PPP1R12B: variants seen among roughly 807,000 people sequenced by gnomAD.
PPP1R12B encodes myosin phosphatase target subunit 2.
PPP1R12B carries 76 observed loss-of-function variants against 126.1 expected under a neutral mutation model. That is an observed-to-expected ratio of 0.60 (90% confidence interval 0.50 to 0.73). The LOEUF (loss-of-function observed/expected upper bound fraction) is 0.73, where lower values mean the gene tolerates loss of function less well. Ranked by LOEUF, PPP1R12B falls within the 30% of genes least tolerant of loss-of-function variation. The probability of loss-of-function intolerance (pLI) is 0.00; values close to 1 mark genes in which losing one functional copy is unlikely to be tolerated. For missense variants in PPP1R12B, 1,052 were observed against 1,205.1 expected (o/e 0.87, Z 1.88); for synonymous variants, 356 against 434.7 (o/e 0.82, Z 2.25).
At chr1:202,488,880 T>G (rs560801182) in intron 14 of PPP1R12B, among the ~76,000 whole-genome samples, 1 of 152,212 alleles carries the variant, frequency 6.6e-6, no homozygotes, top group African/African-American at 2.4e-5. Context: ...CTGTCTCTAC[T>G]AAAAATATGA....
intron 4 of PPP1R12B, 37 bp from the exon 5 acceptor site, chr1:202,427,003 C>G (rs376077678): frequency 2.5e-6 from 4 of 1,598,318 alleles, no homozygotes; most frequent in Admixed American, 1.8e-5. Flanking sequence ...TTGTAATATA[C>G]AGAAGATATA....
chr1:202,385,080 G>T (rs1400662222), intron 1 of PPP1R12B, among the ~76,000 whole-genome samples: 1 of 152,174 alleles, frequency 6.6e-6, no homozygotes. Context: ...ATTTCCTGGT[G>T]ATGAGCTGCA....
At chr1:202,371,699 C>T (rs1319995462) in intron 1 of PPP1R12B, among the ~76,000 whole-genome samples, 1 of 151,898 alleles carries the variant, frequency 6.6e-6, no homozygotes, top group Non-Finnish European at 1.5e-5. Flanking sequence ...TTAAGATTTA[C>T]AAAAAAGTTG....
intron 1 of PPP1R12B, among the ~76,000 whole-genome samples, chr1:202,402,413 A>T (rs185550413): frequency 1.3e-5 from 2 of 152,132 alleles, no homozygotes; most frequent in Non-Finnish European, 2.9e-5. Flanking sequence ...TTCTTCTAGG[A>T]CATAGCAGTC....
At chr1:202,552,152 A>T (rs1686394799) in intron 18 of PPP1R12B, among the ~76,000 whole-genome samples, 1 of 152,202 alleles carries the variant, frequency 6.6e-6, no homozygotes, top group South Asian at 2.1e-4. Flanking sequence ...TTTTTGATAT[A>T]AAAAACAGCA....
intron 23 of PPP1R12B, among the ~76,000 whole-genome samples, chr1:202,569,606 C>T (rs898826905): frequency 9.2e-5 from 14 of 152,194 alleles, no homozygotes; most frequent in African/African-American, 3.4e-4. Flanking sequence ...AAGCTTTCTT[C>T]CCTGGTGCCC....
At chr1:202,575,025 T>G (rs1236077835) in intron 23 of PPP1R12B, 1 of 1,613,088 alleles carries the variant, frequency 6.2e-7, no homozygotes, top group Admixed American at 1.7e-5. Flanking sequence ...TAAAACAGAT[T>G]CAAACCTTGA....
chr1:202,367,164 A>T (rs1659383262), intron 1 of PPP1R12B, among the ~76,000 whole-genome samples: 1 of 152,232 alleles, frequency 6.6e-6, no homozygotes, highest in Admixed American at 6.5e-5. Flanking sequence ...ACAATAAATG[A>T]TTGGGAAGAT....
chr1:202,408,787 A>C (rs769172170), intron 1 of PPP1R12B, among the ~76,000 whole-genome samples: 9 of 151,072 alleles, frequency 6.0e-5, no homozygotes, highest in Non-Finnish European at 1.3e-4. Context: ...TGCTGTGAAC[A>C]TGGGTGTACA....
chr1:202,416,525 TA>T (rs35476608), intron 1 of PPP1R12B, among the ~76,000 whole-genome samples: 83 of 111,622 alleles, frequency 7.4e-4, no homozygotes, highest in African/African-American at 1.3e-3. Flanking sequence ...AAACTCTGTC[TA>T]AAAAAAAAAA....
chr1:202,538,147 C>A (rs890163199), intron 18 of PPP1R12B, among the ~76,000 whole-genome samples: 11 of 152,318 alleles, frequency 7.2e-5, no homozygotes, highest in Admixed American at 6.5e-4. Context: ...GTGCCCCCCA[C>A]AATGCCTGGC....
rs552957575 is a variant in PPP1R12B, at chr1:202,459,288, G to C, written c.1850+10117G>C. The stretch of plus-strand genomic sequence containing the variant: ...TTTCCAAAGTTCCAGAATGATAAAG[G>C]ATTACTGTTATTATGGGGCAGAGGG... On this transcript the variant is annotated intron_variant, in intron 13 of 23. Transcript: ENST00000608999. Among the ~76,000 whole-genome samples, 5 of 152,110 alleles carry C rather than the reference G, an allele frequency of 3.3e-5. No homozygotes were observed. The East Asian group carries it at 5.8e-4, about 18-fold the overall frequency.
At chr1:202,482,046 C>T (rs115153378) in intron 13 of PPP1R12B, among the ~76,000 whole-genome samples, 2,187 of 152,012 alleles carry the variant, frequency 0.014, 66 homozygotes, top group African/African-American at 0.051. Flanking sequence ...CCAGGTTCAT[C>T]TGTGTTGTTG....
chr1:202,534,454 T>C (rs1271479206), intron 18 of PPP1R12B, among the ~76,000 whole-genome samples: 1 of 152,242 alleles, frequency 6.6e-6, no homozygotes, highest in Non-Finnish European at 1.5e-5. Context: ...AAGACATACA[T>C]ATGGATGCAT....
At chr1:202,368,705 G>A (rs973517681) in intron 1 of PPP1R12B, among the ~76,000 whole-genome samples, 1 of 149,728 alleles carries the variant, frequency 6.7e-6, no homozygotes, top group Non-Finnish European at 1.5e-5. Context: ...ATATATATAA[G>A]CCATATAAAA....
intron 1 of PPP1R12B, among the ~76,000 whole-genome samples, chr1:202,373,876 G>A (rs982449102): frequency 8.6e-5 from 13 of 152,000 alleles, no homozygotes; most frequent in Non-Finnish European, 1.5e-4. Context: ...AGAGGTTTGA[G>A]TTACCACCAC....
rs541768926 is a variant in PPP1R12B, at chr1:202,591,674, G to A, written c.*11114G>A. 221 of 152,886 alleles carry A rather than the reference G, an allele frequency of 1.4e-3. 1 individual carries two copies. The highest frequency in any genetic ancestry group is 7.8e-4 in the Non-Finnish European group (53 of 68,304). 9.5% of individuals were successfully genotyped at this position (152,886 alleles called of 1,614,324 possible). A position where few individuals can be genotyped will look rare whatever the true frequency, so the allele number is the denominator to read the frequency against. ...GCAGGAGGATGCACGAGGGAAGAGC[G>A]TCAGCCCCTGTATTCACCGGCCTCT... On this transcript the variant is annotated 3_prime_UTR_variant, in exon 24 of 24. Coordinates refer to ENST00000608999, the MANE Select transcript of PPP1R12B (RefSeq NM_002481.4).
At chr1:202,405,279 G>A (rs542817335) in intron 1 of PPP1R12B, among the ~76,000 whole-genome samples, 5 of 152,084 alleles carry the variant, frequency 3.3e-5, no homozygotes, top group African/African-American at 9.7e-5. Context: ...AGCTATAGGA[G>A]CCCTGGCCCA....
At chr1:202,399,553 ATGGCGCAATC>A (rs1030495548) in intron 1 of PPP1R12B, among the ~76,000 whole-genome samples, 6 of 150,070 alleles carry the variant, frequency 4.0e-5, no homozygotes, top group Non-Finnish European at 8.9e-5. Context: ...CTGGAGTGCA[ATGGCGCAATC>A]TTGGCTCACT....
Sources: allele counts gnomAD v4.1 joint callset (sites outside exome capture counted in the v4.1 genomes callset), GRCh38; gene constraint gnomAD v4.1.1; transcripts MANE v1.5; gene names NCBI Gene and HGNC (gene_info 2026-07-23, HGNC 2026-07-21).